EDA: variants seen among roughly 807,000 people sequenced by gnomAD.
EDA encodes ectodysplasin A.
EDA carries 2 observed loss-of-function variants against 23.6 expected under a neutral mutation model. The ratio of observed to expected loss-of-function variants is 0.08; its 90% CI spans 0.03 to 0.27. EDA has a LOEUF of 0.27. Ranked by LOEUF, EDA falls within the 10% of genes least tolerant of loss-of-function variation. The pLI is 1.00. For synonymous variants in EDA, 131 were observed against 132.0 expected, an observed-to-expected ratio of 0.99 and a Z score of 0.05; for missense variants, 229 against 324.2, an observed-to-expected ratio of 0.71 and a Z score of 2.26.
chrX:69,756,292 C>T (rs776421493), intron 1 of EDA, among the ~76,000 whole-genome samples: 1 of 112,398 alleles, frequency 8.9e-6, no homozygotes, highest in Admixed American at 9.4e-5. Flanking sequence ...ATGTTGCCTC[C>T]TCCTTCCTGT....
chrX:69,937,894 C>T, intron 1 of EDA: 2 of 1,198,960 alleles, frequency 1.7e-6, no homozygotes, highest in Non-Finnish European at 2.3e-6. Flanking sequence ...CCTGGAAACT[C>T]GGTGTCCATA....
intron 1 of EDA, among the ~76,000 whole-genome samples, chrX:69,783,294 CTTA>C (rs2015016089): frequency 9.2e-6 from 1 of 108,499 alleles, no homozygotes; most frequent in South Asian, 4.0e-4. Context: ...TATTTTATTT[CTTA>C]TTATTATACT....
At chrX:69,946,640 T>C (rs1423272125) in intron 1 of EDA, among the ~76,000 whole-genome samples, 1 of 111,657 alleles carries the variant, frequency 9.0e-6, no homozygotes, top group East Asian at 2.8e-4. Context: ...TTGCTTCTTA[T>C]TTGTATCCTA....
chrX:69,837,720 T>C (rs1293072116), intron 1 of EDA, among the ~76,000 whole-genome samples: 1 of 112,083 alleles, frequency 8.9e-6, no homozygotes, highest in Non-Finnish European at 1.9e-5. Flanking sequence ...TGCACATCTT[T>C]TAAAGCAAAA....
chrX:69,621,794 G>A (rs1182796023), intron 1 of EDA, among the ~76,000 whole-genome samples: 2 of 111,389 alleles, frequency 1.8e-5, no homozygotes, highest in Non-Finnish European at 3.8e-5. Context: ...AGGTTGGAGT[G>A]CAGTGGCATG....
chrX:69,850,390 C>T (rs1240981290), intron 1 of EDA, among the ~76,000 whole-genome samples: 1 of 112,057 alleles, frequency 8.9e-6, no homozygotes, highest in African/African-American at 3.2e-5. Context: ...CTCAAATTCC[C>T]TTTGGTTCAG....
At chrX:69,949,914 C>T (rs1396747381) in intron 1 of EDA, among the ~76,000 whole-genome samples, 1 of 110,288 alleles carries the variant, frequency 9.1e-6, no homozygotes, top group Admixed American at 9.7e-5. Context: ...TGGATCCCTT[C>T]CTTACACCTT....
At chrX:69,758,974 G>A (rs2014214543) in intron 1 of EDA, among the ~76,000 whole-genome samples, 2 of 111,871 alleles carry the variant, frequency 1.8e-5, no homozygotes, top group South Asian at 7.3e-4. Flanking sequence ...TTCCACACAA[G>A]AATTTATGTG....
chrX:69,846,650 G>C (rs1424065847), intron 1 of EDA, among the ~76,000 whole-genome samples: 1 of 111,410 alleles, frequency 9.0e-6, no homozygotes, highest in Non-Finnish European at 1.9e-5. Context: ...GTTGAAAAGG[G>C]ACTGCCTGTG....
At chrX:69,667,742 C>T (rs889935378) in intron 1 of EDA, among the ~76,000 whole-genome samples, 6 of 111,936 alleles carry the variant, frequency 5.4e-5, no homozygotes, top group South Asian at 7.4e-4. Flanking sequence ...CCACAGACTG[C>T]GCAATTTATA....
intron 1 of EDA, among the ~76,000 whole-genome samples, chrX:69,665,979 T>C (rs984313957): frequency 9.0e-6 from 1 of 111,672 alleles, no homozygotes; most frequent in Non-Finnish European, 1.9e-5. Flanking sequence ...TGGTATCTTT[T>C]TCAGTTTATT....
At chrX:69,996,508 C>G (rs5936818) in intron 2 of EDA, among the ~76,000 whole-genome samples, 20,125 of 111,552 alleles carry the variant, frequency 0.18, 1,698 homozygotes, top group Non-Finnish European at 0.26. Flanking sequence ...TCACTACATC[C>G]CCATAAGAGG....
intron 1 of EDA, among the ~76,000 whole-genome samples, chrX:69,708,860 G>A: frequency 9.0e-6 from 1 of 111,452 alleles, no homozygotes; most frequent in Middle Eastern, 4.6e-3. Flanking sequence ...GGTGGGAGTT[G>A]CTGTCTCACT....
chrX:69,735,554 C>T (rs1475169796), intron 1 of EDA, among the ~76,000 whole-genome samples: 2 of 111,619 alleles, frequency 1.8e-5, no homozygotes, highest in Non-Finnish European at 3.8e-5. Context: ...TTCACTTCTC[C>T]AAGCTTTTGG....
intron 1 of EDA, among the ~76,000 whole-genome samples, chrX:69,754,082 A>G (rs945161821): frequency 5.4e-5 from 6 of 111,547 alleles, no homozygotes; most frequent in Non-Finnish European, 9.4e-5. Context: ...TAAGGTTAAT[A>G]TTGTTATGTG....
At chrX:69,627,284 C>A (rs1278613225) in intron 1 of EDA, among the ~76,000 whole-genome samples, 1 of 111,458 alleles carries the variant, frequency 9.0e-6, no homozygotes, top group Non-Finnish European at 1.9e-5. Context: ...CTCTCTACAT[C>A]CCTCTCCCTT....
chrX:69,819,267 G>A (rs1956347111), intron 1 of EDA, among the ~76,000 whole-genome samples: 1 of 112,046 alleles, frequency 8.9e-6, no homozygotes, highest in African/African-American at 3.2e-5. Context: ...GTATCATACT[G>A]AATGGGCAAA....
In EDA at chrX:69,657,405, A is replaced by G. The variant is rs369177404; in HGVS notation, c.396+40701A>G. Among the ~76,000 whole-genome samples, 5 of 112,048 alleles carry G rather than the reference A, an allele frequency of 4.5e-5. No homozygotes were observed. In the South Asian group the frequency reaches 1.9e-3, roughly 42 times the overall value. On this transcript the variant is annotated intron_variant, in intron 1 of 7. Coordinates refer to ENST00000374552, the MANE Select transcript of EDA (RefSeq NM_001399.5). ...CTTTTGTTGGATGCATATTTTGCAG[A>G]TATTTTCTCTCATTCTGTAGGTTGT...
At chrX:69,729,349 A>G (rs1479168704) in intron 1 of EDA, among the ~76,000 whole-genome samples, 1 of 110,905 alleles carries the variant, frequency 9.0e-6, no homozygotes, top group Non-Finnish European at 1.9e-5. Context: ...ACCAAAGGAC[A>G]TTGCTCCATC....
Sources: gnomAD v4.1 joint callset for allele counts (sites outside exome capture counted in the v4.1 genomes callset) on GRCh38, gnomAD v4.1.1 for gene constraint, MANE v1.5 for transcripts, NCBI Gene and HGNC (gene_info 2026-07-23, HGNC 2026-07-21) for gene names.